Variants in NID1 observed in about 807,000 individuals in gnomAD.
The protein encoded by NID1 is nidogen 1.
Under a neutral mutation model 130.6 loss-of-function variants are expected in NID1, and 76 were observed. The observed-to-expected ratio is 0.58, with a 90% CI of 0.48 to 0.70. The LOEUF (loss-of-function observed/expected upper bound fraction) is 0.70, where lower values mean the gene tolerates loss of function less well. Ranked by LOEUF, NID1 falls within the 30% of genes least tolerant of loss-of-function variation. NID1 has a pLI of 0.00. For synonymous variants in NID1, 665 were observed against 675.1 expected, an observed-to-expected ratio of 0.98 and a Z score of 0.23; for missense variants, 1,517 against 1,664.8, an observed-to-expected ratio of 0.91 and a Z score of 1.54.
At chr1:236,005,012 T>C (rs1009721385) in intron 12 of NID1, among the ~76,000 whole-genome samples, 7 of 151,354 alleles carry the variant, frequency 4.6e-5, no homozygotes, top group South Asian at 2.1e-4. Context: ...CCATCTCTAC[T>C]AAAAATACAA....
At chr1:235,992,235 T>C (rs972972128) in intron 13 of NID1, among the ~76,000 whole-genome samples, 1 of 152,194 alleles carries the variant, frequency 6.6e-6, no homozygotes, top group Non-Finnish European at 1.5e-5. Context: ...CTTTCTCTTG[T>C]CTATCTTGCC....
At chr1:236,017,297 T>A in intron 9 of NID1, 24 bp from the exon 10 acceptor site, 1 of 1,612,470 alleles carries the variant, frequency 6.2e-7, no homozygotes, top group Non-Finnish European at 8.5e-7. Context: ...TTTTTTTTAC[T>A]GCAGGCTTTT....
At position 236,032,494 on chromosome 1, in the gene NID1, A is replaced by T. The variant is rs202071288; in HGVS notation, c.1444T>A (p.Tyr482Asn). The T allele has an allele frequency of 5.0e-6, 8 of 1,614,224 alleles. No individual in the cohort carries two copies. The highest frequency in any genetic ancestry group is 6.8e-6 in the Non-Finnish European group (8 of 1,180,046). ...AISTIPETVG[Y>N]SLLPLAPVGG... ...ACTGGGGCCAGTGGAAGCAGAGAAT[A>T]TCCAACGGTCTCGGGAATGGTGCTG... Residue 482 changes from tyrosine to asparagine, a missense_variant, in exon 6 of 20, where the codon TAT becomes AAT. Tyr to Asn is a moderately radical substitution (Grantham distance 143). This residue lies in a region of NID1 where 1,329 missense variants were observed against 1,429.2 expected (regional missense o/e 0.93). Transcript: ENST00000264187.
At chr1:236,027,821 C>A (rs1658983073) in intron 7 of NID1, among the ~76,000 whole-genome samples, 1 of 144,250 alleles carries the variant, frequency 6.9e-6, no homozygotes, top group African/African-American at 2.7e-5. Context: ...AGAGCAAGAC[C>A]CTGTCTCAAA....
chr1:235,990,794 T>TG, intron 14 of NID1, 92 bp downstream of exon 14: 2 of 1,433,478 alleles, frequency 1.4e-6, no homozygotes, highest in Non-Finnish European at 1.9e-6. Flanking sequence ...TTCCAGGGGT[T>TG]GAGCCTGGGG....
intron 2 of NID1, among the ~76,000 whole-genome samples, chr1:236,046,659 C>T (rs555471041): frequency 5.9e-5 from 9 of 152,034 alleles, no homozygotes; most frequent in Admixed American, 1.3e-4. Context: ...TTTGGTATAG[C>T]GGCTGCAAAG....
intron 7 of NID1, among the ~76,000 whole-genome samples, chr1:236,027,847 C>A (rs28459659): frequency 0.44 from 65,815 of 150,916 alleles, 15,522 homozygotes; most frequent in African/African-American, 0.62. Context: ...AACCAGAAAA[C>A]AAAAACAAAA....
chr1:236,042,450 G>A (rs540895832), intron 3 of NID1, among the ~76,000 whole-genome samples, 158 bp from the exon 4 acceptor site: 10 of 152,300 alleles, frequency 6.6e-5, no homozygotes, highest in East Asian at 3.9e-4. Flanking sequence ...ATGTCTGGGC[G>A]TCATGTGGCT....
intron 1 of NID1, among the ~76,000 whole-genome samples, chr1:236,056,206 GA>G (rs1659895193): frequency 2.6e-5 from 4 of 152,086 alleles, no homozygotes; most frequent in Admixed American, 2.6e-4. Context: ...AAACAATAAG[GA>G]AAAACTCCTT....
In NID1 at chr1:236,038,144, G is replaced by T; in HGVS notation, c.1245C>A (p.Val415=). Residue 415 remains valine, a synonymous_variant, in exon 5 of 20, where the codon GTC becomes GTA. Coordinates refer to ENST00000264187, the MANE Select transcript of NID1 (RefSeq NM_002508.3). ...GCCTGCCATTGCCCGTATAGCCAGC[G>T]ACACAGCTGCAGCAGAAGCCCGTGG... The part of the protein sequence containing the change: ...DYATGFCCSC[V]AGYTGNGRQC... The T allele has an allele frequency of 1.2e-6, 2 of 1,609,268 alleles. No homozygotes were observed. Among genetic ancestry groups the T allele is most frequent in the East Asian group, 4.5e-5 (2 of 44,710 alleles).
At position 236,013,460 on chromosome 1, in the gene NID1, G is replaced by A. The variant is rs1199846616; in HGVS notation, c.2355C>T (p.Tyr785=). 4.3e-6 allele frequency: 7 copies of A among 1,614,176 alleles called. No homozygotes were observed. Among genetic ancestry groups the A allele is most frequent in the Non-Finnish European group, 5.9e-6 (7 of 1,180,042 alleles). Residue 785 remains tyrosine, a synonymous_variant, in exon 11 of 20, where the codon TAC becomes TAT. Coordinates refer to ENST00000264187, the MANE Select transcript of NID1 (RefSeq NM_002508.3). ...AAAAGCCTGGCAAGCAGGAACAGGT[G>A]TAGGAGGAGCCTCCTGTGTAGATAC... is the stretch of plus-strand genomic sequence containing the variant. ...AQCIYTGGSS[Y]TCSCLPGFSG... is the part of the protein sequence containing the mutation.
intron 12 of NID1, among the ~76,000 whole-genome samples, chr1:236,006,030 C>A (rs1572591263): frequency 6.6e-6 from 1 of 152,304 alleles, no homozygotes; most frequent in East Asian, 1.9e-4. Context: ...GTCTCCTTGT[C>A]ACTCACTTGC....
chr1:235,979,621 G>C lies in NID1; in HGVS notation c.3509+201C>G, dbSNP rs1338986502. On this transcript the variant is annotated intron_variant, in intron 18 of 19. Transcript: ENST00000264187. The surrounding 1 kb of genome is among the most constrained non-coding windows in gnomAD (Gnocchi z 4.6). Reference sequence around the variant, plus strand: ...ATAAATGGCACCTCCTGTCCCCTAGGGCCTTGTCCTCCCTCCTTCTTCATG... The same window carrying C: ...ATAAATGGCACCTCCTGTCCCCTAGCGCCTTGTCCTCCCTCCTTCTTCATG... 1.3e-5 allele frequency among the ~76,000 whole-genome samples: 2 copies of C among 152,076 alleles called. No individual in the cohort carries two copies. Among genetic ancestry groups the C allele is most frequent in the East Asian group, 3.9e-4 (2 of 5,190 alleles).
intron 16 of NID1, 79 bp downstream of exon 16, chr1:235,981,532 T>C: frequency 6.8e-7 from 1 of 1,467,372 alleles, no homozygotes; most frequent in Admixed American, 2.0e-5. Context: ...AATGCTGGAG[T>C]TAAAGCCTCA....
chr1:236,028,715 CAGAG>C (rs1291095570), intron 7 of NID1, among the ~76,000 whole-genome samples: 1 of 150,526 alleles, frequency 6.6e-6, no homozygotes, highest in Admixed American at 6.6e-5. Context: ...TATGGAGAGA[CAGAG>C]AGACAGAGAG....
chr1:236,039,622 T>G (rs547815088), intron 4 of NID1, among the ~76,000 whole-genome samples: 2 of 152,330 alleles, frequency 1.3e-5, no homozygotes, highest in South Asian at 2.1e-4. Flanking sequence ...CCGAGCAAAT[T>G]AATTTGGAAT....
At chr1:236,007,455 G>A (rs1456908565) in intron 12 of NID1, among the ~76,000 whole-genome samples, 1 of 152,086 alleles carries the variant, frequency 6.6e-6, no homozygotes, top group Admixed American at 6.5e-5. Flanking sequence ...TTCCATACTT[G>A]GGCAGACCCC....
chr1:236,001,198 C>T (rs963149904), intron 12 of NID1, among the ~76,000 whole-genome samples: 6 of 151,766 alleles, frequency 4.0e-5, no homozygotes, highest in Admixed American at 3.9e-4. Context: ...CTCTGCCTCC[C>T]GGGTTCAAGC....
chr1:236,004,415 A>G (rs528337831), intron 12 of NID1, among the ~76,000 whole-genome samples: 2 of 152,320 alleles, frequency 1.3e-5, no homozygotes, highest in South Asian at 4.1e-4. Flanking sequence ...TCTAGAAGGC[A>G]CTGCAGGCCA....
Sources: gnomAD v4.1 joint callset for allele counts (sites outside exome capture counted in the v4.1 genomes callset) on GRCh38, gnomAD v4.1.1 for gene constraint, gnomAD v4.1.1 regional missense constraint, Gnocchi (gnomAD v3.1) non-coding constraint, MANE v1.5 for transcripts, NCBI Gene and HGNC (gene_info 2026-07-23, HGNC 2026-07-21) for gene names.